The following DOCK2 variants were observed in gnomAD, a reference collection of about 807,000 sequenced individuals.
DOCK2 encodes the protein dedicator of cytokinesis 2.
A neutral mutation model predicts 248.9 loss-of-function variants in DOCK2; 87 were observed. The ratio of observed to expected loss-of-function variants is 0.35; its 90% CI spans 0.29 to 0.42. DOCK2 has a LOEUF of 0.42. Among genes scored for constraint, DOCK2 ranks in the 10% least tolerant of loss-of-function variants. The pLI is 1.00. For missense variants in DOCK2, 1,747 were observed against 2,300.2 expected (o/e 0.76, Z 4.92); for synonymous variants, 805 against 821.6 (o/e 0.98, Z 0.35).
intron 22 of DOCK2, among the ~76,000 whole-genome samples, chr5:169,733,801 C>G (rs192400187): frequency 2.0e-5 from 3 of 152,232 alleles, no homozygotes; most frequent in Non-Finnish European, 4.4e-5. Context: ...GGTTTTATCT[C>G]TCTGGTGGCT....
intron 27 of DOCK2, among the ~76,000 whole-genome samples, chr5:169,841,834 G>T (rs147959542): frequency 6.6e-6 from 1 of 152,144 alleles, no homozygotes; most frequent in Admixed American, 6.5e-5. Flanking sequence ...ATCCTCATGA[G>T]AATATGAGCT....
chr5:169,679,840 A>G (rs1759555328), intron 6 of DOCK2, among the ~76,000 whole-genome samples: 1 of 152,138 alleles, frequency 6.6e-6, no homozygotes, highest in African/African-American at 2.4e-5. Context: ...GCGCCTCTCA[A>G]TTCGATTCTC....
At chr5:170,056,965 C>G (rs760676952) in intron 43 of DOCK2, 197 bp downstream of exon 43, 4 of 577,768 alleles carry the variant, frequency 6.9e-6, no homozygotes, top group Non-Finnish European at 9.2e-6. Flanking sequence ...CCTTTTTCCC[C>G]TTAATACAGA....
intron 27 of DOCK2, among the ~76,000 whole-genome samples, chr5:169,972,170 G>T (rs1017981788): frequency 6.6e-6 from 1 of 152,048 alleles, no homozygotes. Flanking sequence ...TATCAATCTT[G>T]TAGTTTCTCA....
At chr5:169,787,685 G>C (rs1766070186) in intron 25 of DOCK2, among the ~76,000 whole-genome samples, 1 of 147,222 alleles carries the variant, frequency 6.8e-6, no homozygotes, top group Admixed American at 6.8e-5. Flanking sequence ...CAGTTGCTAT[G>C]CTTTTCCTCC....
intron 9 of DOCK2, among the ~76,000 whole-genome samples, chr5:169,690,747 A>G (rs955981714): frequency 3.9e-5 from 6 of 152,192 alleles, no homozygotes; most frequent in African/African-American, 1.4e-4. Context: ...CAGAGAACCA[A>G]TTCATGATGT....
intron 26 of DOCK2, among the ~76,000 whole-genome samples, chr5:169,826,196 A>G (rs190436311): frequency 3.1e-4 from 47 of 152,292 alleles, no homozygotes; most frequent in African/African-American, 1.1e-3. Flanking sequence ...TTCAAAATGG[A>G]AAGGTGTGAT....
Position 170,077,698 on chromosome 5 carries a change from C to A in DOCK2, c.4867-12C>A. 1 of 1,613,468 alleles carries A rather than the reference C, an allele frequency of 6.2e-7. No individual in the cohort carries two copies. Among genetic ancestry groups the A allele is most frequent in the Non-Finnish European group, 8.5e-7 (1 of 1,179,686 alleles). On this transcript the variant is annotated splice_polypyrimidine_tract_variant and intron_variant, in intron 47 of 51. Coordinates refer to ENST00000520908, the MANE Select transcript of DOCK2 (RefSeq NM_004946.3). ...GGCTACAGCTGCTAACCACCCTGTTCTCCCACCACAGCCTGACTTTGACGA... is the reference window on the plus strand; with the variant it reads ...GGCTACAGCTGCTAACCACCCTGTTATCCCACCACAGCCTGACTTTGACGA...
intron 9 of DOCK2, among the ~76,000 whole-genome samples, chr5:169,689,719 A>G (rs1185548120): frequency 6.6e-6 from 1 of 152,228 alleles, no homozygotes; most frequent in Admixed American, 6.5e-5. Context: ...GCTTTCTGAA[A>G]AATCTTTCTA....
intron 27 of DOCK2, among the ~76,000 whole-genome samples, chr5:169,865,423 C>T (rs1644894387): frequency 2.0e-5 from 3 of 152,158 alleles, no homozygotes; most frequent in South Asian, 4.1e-4. Flanking sequence ...CTCAGGGACT[C>T]TCAGCCTGCT....
intron 19 of DOCK2, 146 bp downstream of exon 19, chr5:169,714,603 G>A: frequency 1.2e-6 from 1 of 830,234 alleles, no homozygotes; most frequent in Non-Finnish European, 1.8e-6. Flanking sequence ...TTGCCTTGAG[G>A]AATCTTTATT....
intron 27 of DOCK2, among the ~76,000 whole-genome samples, chr5:169,958,417 C>T (rs1169728977): frequency 6.6e-6 from 1 of 152,020 alleles, no homozygotes; most frequent in Non-Finnish European, 1.5e-5. Context: ...CTCCATCATC[C>T]GAATAACAGG....
At position 169,848,438 on chromosome 5, in the gene DOCK2, T is replaced by C. The variant is rs139106366; in HGVS notation, c.2799+7586T>C. Among the ~76,000 whole-genome samples, 680 of 152,308 alleles carry C rather than the reference T, an allele frequency of 4.5e-3. 8 individuals carry two copies. The highest frequency in any genetic ancestry group is 0.015 in the African/African-American group (644 of 41,568). Reference sequence around the variant, plus strand: ...GGTCTTGGAGCAGCTTGAGGAAAAATGTCCAGGCTTGTTTGTGCGTGGTGA... The same window carrying C: ...GGTCTTGGAGCAGCTTGAGGAAAAACGTCCAGGCTTGTTTGTGCGTGGTGA... On this transcript the variant is annotated intron_variant, in intron 27 of 51. Coordinates refer to ENST00000520908, the MANE Select transcript of DOCK2 (RefSeq NM_004946.3).
At chr5:169,695,696 C>G (rs548736930) in intron 9 of DOCK2, 107 bp from the exon 10 acceptor site, 1 of 1,454,526 alleles carries the variant, frequency 6.9e-7, no homozygotes, top group South Asian at 1.3e-5. Flanking sequence ...CCATGTATAG[C>G]AAGTATTATA....
At chr5:169,846,007 T>G (rs1471363532) in intron 27 of DOCK2, among the ~76,000 whole-genome samples, 1 of 152,216 alleles carries the variant, frequency 6.6e-6, no homozygotes, top group Non-Finnish European at 1.5e-5. Flanking sequence ...GTCTTAGCAC[T>G]GAAGGCCCCA....
intron 26 of DOCK2, among the ~76,000 whole-genome samples, chr5:169,835,149 G>A (rs1769481068): frequency 6.6e-6 from 1 of 151,710 alleles, no homozygotes; most frequent in African/African-American, 2.4e-5. Context: ...AATATTTTAA[G>A]TAATAAATAT....
chr5:169,841,573 G>T (rs950476963), intron 27 of DOCK2: 1 of 531,152 alleles, frequency 1.9e-6, no homozygotes, highest in Non-Finnish European at 2.4e-6. Flanking sequence ...TCCAAACATT[G>T]CCAGGCCTGA....
intron 27 of DOCK2, among the ~76,000 whole-genome samples, chr5:169,886,376 TC>T: frequency 6.6e-6 from 1 of 152,338 alleles, no homozygotes; most frequent in Middle Eastern, 3.4e-3. Context: ...TAGAATTGGT[TC>T]TATGTTTCAA....
chr5:169,647,546 T>C (rs558390420), intron 1 of DOCK2, among the ~76,000 whole-genome samples: 1 of 152,258 alleles, frequency 6.6e-6, no homozygotes, highest in Admixed American at 6.5e-5. Context: ...TAGAGTACTC[T>C]TGAACTCGTC....
Sources: gnomAD v4.1 joint callset for allele counts (sites outside exome capture counted in the v4.1 genomes callset) on GRCh38, gnomAD v4.1.1 for gene constraint, MANE v1.5 for transcripts, NCBI Gene and HGNC (gene_info 2026-07-23, HGNC 2026-07-21) for gene names.